The following GOLGA4 variants were observed in gnomAD, a reference collection of about 807,000 sequenced individuals.
GOLGA4 encodes the protein golgin A4, also known as golgin subfamily A member 4.
Under a neutral mutation model 265.9 loss-of-function variants are expected in GOLGA4, and 169 were observed. The ratio of observed to expected loss-of-function variants is 0.64; its 90% CI spans 0.56 to 0.72. The LOEUF is 0.72. Among genes scored for constraint, GOLGA4 ranks in the 30% least tolerant of loss-of-function variants. The pLI, the probability that GOLGA4 is intolerant of heterozygous loss-of-function variation, is 0.00. For missense variants in GOLGA4, 2,482 were observed against 2,483.4 expected (o/e 1.00, Z 0.01); for synonymous variants, 923 against 855.8 (o/e 1.08, Z -1.37).
At chr3:37,254,484 GATTGTTTTAATTAATTAAAAAATTA>G (rs1399358977) in intron 2 of GOLGA4, among the ~76,000 whole-genome samples, 2 of 151,786 alleles carry the variant, frequency 1.3e-5, no homozygotes, top group Admixed American at 6.6e-5. Flanking sequence ...TTGTTTTAAA[GATTGTTTTAATTAATTAAAAAATTA>G]ATTGTTTTAA....
intron 4 of GOLGA4, among the ~76,000 whole-genome samples, 193 bp downstream of exon 4, chr3:37,286,254 C>T (rs1331865161): frequency 4.8e-5 from 7 of 147,194 alleles, no homozygotes; most frequent in African/African-American, 7.4e-5. Flanking sequence ...CCCGGGTTCA[C>T]GCCATTCTCC....
chr3:37,326,697 A>G lies in GOLGA4; in HGVS notation c.4811A>G (p.Lys1604Arg), dbSNP rs1273362488. ...TCCATGAAAGCTGAACTTGAAACTA[A>G]GAAGAAAGAATTAGAACATGTGAAT... ...VYSMKAELETKKKELEHVNLS... is the reference protein window; with the variant it reads ...VYSMKAELETRKKELEHVNLS... Residue 1604 changes from lysine (K) to arginine (R), a missense_variant, in exon 14 of 24, where the codon AAG becomes AGG. Physicochemically the swap from Lys to Arg is conservative, Grantham distance 26 (BLOSUM62 2). Coordinates refer to ENST00000361924, the MANE Select transcript of GOLGA4 (RefSeq NM_002078.5). 3.1e-6 allele frequency: 5 copies of G among 1,612,548 alleles called. No individual in the cohort carries two copies. The highest frequency in any genetic ancestry group is 4.2e-6 in the Non-Finnish European group (5 of 1,179,398).
At chr3:37,315,197 T>C (rs1266788283) in intron 10 of GOLGA4, among the ~76,000 whole-genome samples, 4 of 152,198 alleles carry the variant, frequency 2.6e-5, no homozygotes, top group African/African-American at 9.6e-5. Context: ...TATAAACAAG[T>C]CTTAATATCC....
intron 2 of GOLGA4, among the ~76,000 whole-genome samples, chr3:37,254,343 A>G (rs1260945494): frequency 6.6e-6 from 1 of 152,204 alleles, no homozygotes; most frequent in African/African-American, 2.4e-5. Flanking sequence ...TCATTTCAGT[A>G]TATGCATCAA....
At chr3:37,301,850 G>A (rs764100511) in intron 9 of GOLGA4, among the ~76,000 whole-genome samples, 9 of 151,920 alleles carry the variant, frequency 5.9e-5, no homozygotes, top group Non-Finnish European at 1.0e-4. Context: ...GTGCAATGGC[G>A]TGATCTCAGC....
intron 2 of GOLGA4, chr3:37,275,995 T>A (rs1377986984): frequency 1.2e-6 from 2 of 1,613,238 alleles, no homozygotes; most frequent in African/African-American, 2.7e-5. Flanking sequence ...AGAACAGCCC[T>A]GAGGCAAGAG....
In GOLGA4 at chr3:37,243,526, C is replaced by T. The variant is rs757361378; in HGVS notation, c.-25C>T. 2 of 1,611,244 alleles carry T rather than the reference C, an allele frequency of 1.2e-6. No individual in the cohort carries two copies. Among genetic ancestry groups the T allele is most frequent in the Non-Finnish European group, 1.7e-6 (2 of 1,177,398 alleles). ...TCTCGCCCTTCAGGTTTCGTTGACA[C>T]TCAGGACCGTACGTACGCTGCGCCA... is the stretch of plus-strand genomic sequence containing the variant. On this transcript the variant is annotated 5_prime_UTR_variant, in exon 1 of 24. Transcript: ENST00000361924.
chr3:37,324,530 A>G lies in GOLGA4; in HGVS notation c.2644A>G (p.Lys882Glu), dbSNP rs969158786. Residue 882 changes from lysine to glutamate, a missense_variant, in exon 14 of 24, where the codon AAA becomes GAA. By Grantham distance (56) the Lys-to-Glu change is moderately conservative (BLOSUM62 1). Transcript: ENST00000361924. The stretch of plus-strand genomic sequence containing the variant: ...AAATAGTGAAATGGAGCAAAAAGTA[A>G]AATCTTTAACCCAAGTCTATGAGTC... ...KQNSEMEQKVKSLTQVYESKL... is the reference protein window; with the variant it reads ...KQNSEMEQKVESLTQVYESKL... 6.2e-7 allele frequency: 1 copy of G among 1,613,938 alleles called. No homozygotes were observed. The highest frequency in any genetic ancestry group is 8.5e-7 in the Non-Finnish European group (1 of 1,179,940).
rs752443203 is a variant in GOLGA4, at chr3:37,323,873, A to G, written c.1987A>G (p.Ile663Val). ...KETLLKDKEI[I>V]FQAHIEEMNE... ...AACATTGTTGAAAGACAAAGAGATT[A>G]TCTTCCAGGCCCACATAGAAGAAAT... The change falls in exon 14 of 24, where the codon ATC (isoleucine) becomes GTC (valine). Residue 663 changes from isoleucine to valine, a missense_variant. By Grantham distance (29) the Ile-to-Val change is conservative. Transcript: ENST00000361924. 3 of 1,612,868 alleles carry G rather than the reference A, an allele frequency of 1.9e-6. No individual in the cohort carries two copies. The highest frequency in any genetic ancestry group is 1.7e-5 in the Admixed American group (1 of 59,772).
intron 20 of GOLGA4, among the ~76,000 whole-genome samples, chr3:37,346,914 C>G (rs2097058359): frequency 6.6e-6 from 1 of 151,938 alleles, no homozygotes; most frequent in African/African-American, 2.4e-5. Flanking sequence ...AAATTCTAAA[C>G]CCAAAGTAAT....
At chr3:37,337,078 T>G in intron 17 of GOLGA4, 65 bp from the exon 18 acceptor site, 2 of 1,019,518 alleles carry the variant, frequency 2.0e-6, no homozygotes, top group Non-Finnish European at 3.0e-6. Context: ...TTTATATTGC[T>G]TTGTTTTACT....
At chr3:37,286,214 C>T (rs540207283) in intron 4 of GOLGA4, among the ~76,000 whole-genome samples, 153 bp downstream of exon 4, 4 of 128,584 alleles carry the variant, frequency 3.1e-5, no homozygotes, top group Admixed American at 2.0e-4. Flanking sequence ...ACTGCAGTGG[C>T]GCAATCTCGG....
At chr3:37,303,333 G>A (rs759774427) in intron 10 of GOLGA4, among the ~76,000 whole-genome samples, 16 of 152,214 alleles carry the variant, frequency 1.1e-4, no homozygotes, top group Non-Finnish European at 1.9e-4. Context: ...GGGACTGTGA[G>A]CTTTAGCCGC....
Position 37,295,041 on chromosome 3 carries a change from G to A in GOLGA4, c.645G>A (p.Glu215=). ...AAGAGGAGTTTGATGCATCTTTAGA[G>A]GAGAAAGATCAGTATATCAGTGTTC... ...HLQEEFDASL[E]EKDQYISVLQ... The change falls in exon 6 of 24, where the codon GAG becomes GAA. Residue 215 remains glutamate, a synonymous_variant. Transcript: ENST00000361924. The A allele has an allele frequency of 6.2e-7, 1 of 1,607,736 alleles. No homozygotes were observed.
intron 21 of GOLGA4, among the ~76,000 whole-genome samples, chr3:37,349,706 C>T (rs148425625): frequency 1.9e-4 from 29 of 152,260 alleles, no homozygotes; most frequent in African/African-American, 4.8e-4. Flanking sequence ...AATTTCTATA[C>T]ATTAACAAAG....
chr3:37,327,111 A>G lies in GOLGA4; in HGVS notation c.5225A>G (p.Gln1742Arg), dbSNP rs1369174824. 6.2e-7 allele frequency: 1 copy of G among 1,613,514 alleles called. No individual in the cohort carries two copies. Among genetic ancestry groups the G allele is most frequent in the Admixed American group, 1.7e-5 (1 of 59,912 alleles). The change falls in exon 14 of 24, where the codon CAA becomes CGA. Residue 1742 changes from glutamine to arginine, a missense_variant. By Grantham distance (43) the Gln-to-Arg change is conservative. Around this residue, in one of 3 missense-constraint regions of GOLGA4, gnomAD observed 942 missense variants for 983.1 expected, o/e 0.96. Coordinates refer to ENST00000361924, the MANE Select transcript of GOLGA4 (RefSeq NM_002078.5). ...TATGAAGAAAAAATCAGTGTTTTAC[A>G]AAGAAACTTAACTGAAAAAGAAAAG... ...KTYEEKISVLQRNLTEKEKLL... is the reference protein window; with the variant it reads ...KTYEEKISVLRRNLTEKEKLL...
chr3:37,317,405 G>A (rs2096940885), intron 11 of GOLGA4, among the ~76,000 whole-genome samples: 2 of 152,226 alleles, frequency 1.3e-5, no homozygotes, highest in South Asian at 4.1e-4. Context: ...CCTGATCTCA[G>A]GTGATCCACC....
At position 37,324,940 on chromosome 3, in the gene GOLGA4, G is replaced by T. The variant is rs894933095; in HGVS notation, c.3054G>T (p.Val1018=). The T allele has an allele frequency of 2.5e-6, 4 of 1,613,334 alleles. No individual in the cohort carries two copies. The highest frequency in any genetic ancestry group is 1.7e-6 in the Non-Finnish European group (2 of 1,179,756). ...QANSAGISDA[V]SRLETNQKEQ... ...ACTCAGCTGGAATCAGTGATGCAGTGTCAAGACTGGAAACAAACCAAAAAG... is the reference window on the plus strand; with the variant it reads ...ACTCAGCTGGAATCAGTGATGCAGTTTCAAGACTGGAAACAAACCAAAAAG... The change falls in exon 14 of 24, where the codon GTG becomes GTT. Residue 1018 remains valine, a synonymous_variant. Coordinates refer to ENST00000361924, the MANE Select transcript of GOLGA4 (RefSeq NM_002078.5).
chr3:37,325,774 T>C lies in GOLGA4; in HGVS notation c.3888T>C (p.Thr1296=). Residue 1296 remains threonine (T), a synonymous_variant, in exon 14 of 24, where the codon ACT becomes ACC. Transcript: ENST00000361924. ...NTLNISFQQA[T]HQLEEKENQI... ...TAAATATTTCTTTTCAACAGGCTAC[T>C]CATCAGTTAGAAGAAAAAGAAAATC... 6.2e-7 allele frequency: 1 copy of C among 1,613,368 alleles called. No homozygotes were observed. The highest frequency in any genetic ancestry group is 1.3e-5 in the African/African-American group (1 of 74,966).
Sources: gnomAD v4.1 joint callset for allele counts (sites outside exome capture counted in the v4.1 genomes callset) on GRCh38, gnomAD v4.1.1 for gene constraint, gnomAD v4.1.1 regional missense constraint, MANE v1.5 for transcripts, NCBI Gene and HGNC (gene_info 2026-07-23, HGNC 2026-07-21) for gene names.